Variants in NAV2 observed in about 807,000 individuals in gnomAD.
NAV2 encodes the protein neuron navigator 2.
In NAV2, 54 loss-of-function variants were observed where a neutral mutation model predicts 223.2. That is an observed-to-expected ratio of 0.24 (90% CI 0.19 to 0.30). The LOEUF (loss-of-function observed/expected upper bound fraction) is 0.30, where lower values mean the gene tolerates loss of function less well. Among genes scored for constraint, NAV2 ranks in the 10% least tolerant of loss-of-function variants. NAV2 has a pLI of 1.00. For missense variants in NAV2, 2,806 were observed against 3,147.5 expected, an observed-to-expected ratio of 0.89 and a Z score of 2.60; for synonymous variants, 1,279 against 1,239.3, an observed-to-expected ratio of 1.03 and a Z score of -0.67.
intron 11 of NAV2, among the ~76,000 whole-genome samples, chr11:20,012,153 G>A (rs1426318779): frequency 6.6e-6 from 1 of 152,194 alleles, no homozygotes; most frequent in African/African-American, 2.4e-5. Flanking sequence ...TTTCTGTCTA[G>A]GTCCAGCTAG....
chr11:19,979,881 G>T (rs888690608), intron 10 of NAV2, among the ~76,000 whole-genome samples: 1 of 152,318 alleles, frequency 6.6e-6, no homozygotes, highest in African/African-American at 2.4e-5. Flanking sequence ...ACCTGCCTGC[G>T]CTGGGATCTT....
chr11:20,075,222 G>T (rs111517921), intron 22 of NAV2, among the ~76,000 whole-genome samples: 232 of 110,968 alleles, frequency 2.1e-3, no homozygotes, highest in Non-Finnish European at 2.6e-3. Context: ...TTTTTGTTTT[G>T]TTTTTTTTTT....
intron 1 of NAV2, among the ~76,000 whole-genome samples, chr11:19,410,673 AATAG>A (rs879461361): frequency 1.3e-5 from 2 of 152,310 alleles, no homozygotes; most frequent in African/African-American, 2.4e-5. Context: ...ATGAAGGTAT[AATAG>A]ATAGAATGAC....
intron 1 of NAV2, among the ~76,000 whole-genome samples, chr11:19,475,578 G>A (rs1013470776): frequency 2.6e-5 from 4 of 152,156 alleles, no homozygotes; most frequent in African/African-American, 9.7e-5. Context: ...TGTTTGTGGA[G>A]CCGCTGCTGT....
intron 1 of NAV2, among the ~76,000 whole-genome samples, chr11:19,765,457 C>T (rs963681717): frequency 5.3e-5 from 8 of 150,414 alleles, no homozygotes; most frequent in African/African-American, 2.0e-4. Flanking sequence ...CTTCCCCTTC[C>T]CCTTCCCCTC....
intron 1 of NAV2, among the ~76,000 whole-genome samples, chr11:19,820,515 GAAT>G (rs2059314125): frequency 6.6e-6 from 1 of 152,216 alleles, no homozygotes; most frequent in Non-Finnish European, 1.5e-5. Context: ...TGACCAGTAA[GAAT>G]TCCAGTTTTC....
chr11:19,427,019 G>T (rs549303314), intron 1 of NAV2, among the ~76,000 whole-genome samples: 2 of 152,128 alleles, frequency 1.3e-5, no homozygotes, highest in South Asian at 4.2e-4. Flanking sequence ...ATGGCACCCT[G>T]CTACAGTGTG....
chr11:19,984,244 A>G lies in NAV2; in HGVS notation c.2765A>G (p.Asp922Gly). ...ACCTCCCTGGGCCTCGGAGACGCTG[A>G]CAGGTAAGCTTGCTGCACTTGGGGC... ...RNTSLGLGDA[D>G]SWDDSSSVSS... is the part of the protein sequence containing the mutation. The change falls in exon 11 of 38, where the codon GAC becomes GGC. Residue 922 changes from aspartate (D) to glycine (G), a missense_variant. By Grantham distance (94) the Asp-to-Gly change is moderately conservative (BLOSUM62 -1). Around this residue, in one of 4 missense-constraint regions of NAV2, gnomAD observed 73 missense variants for 119.7 expected, o/e 0.61. Coordinates refer to ENST00000349880, the MANE Select transcript of NAV2 (RefSeq NM_145117.5). The G allele has an allele frequency of 6.2e-7, 1 of 1,614,130 alleles. No individual in the cohort carries two copies. Among genetic ancestry groups the G allele is most frequent in the Non-Finnish European group, 8.5e-7 (1 of 1,179,992 alleles).
At chr11:19,973,306 T>C (rs1227383881) in intron 10 of NAV2, among the ~76,000 whole-genome samples, 9 of 152,090 alleles carry the variant, frequency 5.9e-5, no homozygotes, top group African/African-American at 2.2e-4. Context: ...CATACAATCC[T>C]CAAAGCCAAC....
At chr11:19,651,541 G>A (rs1271023012) in intron 1 of NAV2, among the ~76,000 whole-genome samples, 2 of 152,210 alleles carry the variant, frequency 1.3e-5, no homozygotes, top group Non-Finnish European at 2.9e-5. Context: ...CATGCCTTGG[G>A]TTGGCAGTGT....
intron 1 of NAV2, among the ~76,000 whole-genome samples, chr11:19,799,436 C>A (rs572809150): frequency 2.0e-5 from 3 of 152,138 alleles, no homozygotes; most frequent in African/African-American, 7.2e-5. Context: ...GACAGAACTA[C>A]CCAGTGGATC....
chr11:19,670,003 C>T (rs112353462), intron 1 of NAV2, among the ~76,000 whole-genome samples: 3 of 152,204 alleles, frequency 2.0e-5, no homozygotes, highest in Non-Finnish European at 2.9e-5. Context: ...CAGTTTGCCA[C>T]AAAGTCCCAT....
intron 1 of NAV2, among the ~76,000 whole-genome samples, chr11:19,495,212 T>C (rs1394614138): frequency 2.6e-5 from 4 of 152,242 alleles, no homozygotes; most frequent in Admixed American, 6.5e-5. Flanking sequence ...ATTTGTTCTT[T>C]CCTTATCTCA....
intron 11 of NAV2, chr11:20,027,238 G>A (rs1392364139): frequency 3.1e-6 from 3 of 983,518 alleles, no homozygotes; most frequent in Non-Finnish European, 3.6e-6. Flanking sequence ...TTCCCCAGGG[G>A]TTACTACTAA....
chr11:20,046,834 C>T (rs1166841130), intron 14 of NAV2, among the ~76,000 whole-genome samples: 1 of 152,128 alleles, frequency 6.6e-6, no homozygotes, highest in Non-Finnish European at 1.5e-5. Flanking sequence ...CAAACTGCAA[C>T]TGCTAGGTTA....
chr11:19,567,537 A>C (rs1353946552), intron 1 of NAV2, among the ~76,000 whole-genome samples: 1 of 152,186 alleles, frequency 6.6e-6, no homozygotes, highest in Admixed American at 6.5e-5. Context: ...GTGGCTGAAC[A>C]GGGCATTAAT....
intron 26 of NAV2, among the ~76,000 whole-genome samples, chr11:20,088,595 AAC>A (rs1165271996): frequency 6.6e-6 from 1 of 152,244 alleles, no homozygotes; most frequent in Non-Finnish European, 1.5e-5. Flanking sequence ...AAGTCCTCCC[AAC>A]ACAGACTTTC....
chr11:19,668,347 A>G (rs2048478086), intron 1 of NAV2, among the ~76,000 whole-genome samples: 1 of 152,072 alleles, frequency 6.6e-6, no homozygotes, highest in Admixed American at 6.6e-5. Context: ...AGACCAGCCA[A>G]CATGGCGAAA....
intron 4 of NAV2, among the ~76,000 whole-genome samples, chr11:19,877,981 A>T (rs1199702626): frequency 1.3e-5 from 2 of 152,080 alleles, no homozygotes; most frequent in East Asian, 3.9e-4. Context: ...TGTGGCTCTC[A>T]TTTGGTTTCC....
Sources: allele counts gnomAD v4.1 joint callset (sites outside exome capture counted in the v4.1 genomes callset), GRCh38; gene constraint gnomAD v4.1.1; regional missense constraint gnomAD v4.1.1; transcripts MANE v1.5; gene names NCBI Gene and HGNC (gene_info 2026-07-23, HGNC 2026-07-21).